The following ZNF800 variants were observed in gnomAD, a reference collection of about 807,000 sequenced individuals.
The protein encoded by ZNF800 is zinc finger protein 800.
In ZNF800, 13 loss-of-function variants were observed where a neutral mutation model predicts 59.5. That is an observed-to-expected ratio of 0.22 (90% CI 0.14 to 0.35). ZNF800 has a LOEUF of 0.35. Ranked by LOEUF, ZNF800 falls within the 10% of genes least tolerant of loss-of-function variation. ZNF800 has a pLI of 1.00. For missense variants in ZNF800, 621 were observed against 783.7 expected (o/e 0.79, Z 2.48); for synonymous variants, 266 against 265.7 (o/e 1.00, Z -0.01).
chr7:127,381,761 A>G (rs1587449352), intron 3 of ZNF800, among the ~76,000 whole-genome samples: 1 of 152,084 alleles, frequency 6.6e-6, no homozygotes, highest in African/African-American at 2.4e-5. Context: ...TAAATTTCCT[A>G]TAACTGCTAT....
intron 3 of ZNF800, among the ~76,000 whole-genome samples, chr7:127,379,852 A>ACCC (rs1562907479): frequency 0.095 from 1,523 of 16,098 alleles, 159 homozygotes; most frequent in Admixed American, 0.15. Flanking sequence ...CCACCCCCCC[A>ACCC]CCCCCCCCAC....
At chr7:127,361,339 A>C (rs1019400145) in intron 1 of ZNF800, 2 of 152,162 alleles carry the variant, frequency 1.3e-5, no homozygotes, top group Non-Finnish European at 2.9e-5. Context: ...TCGCTTTGTG[A>C]AGCCAAGTCA....
intron 1 of ZNF800, 37 bp downstream of exon 1, chr7:127,392,023 G>A (rs1045804605): frequency 3.1e-5 from 12 of 387,542 alleles, no homozygotes; most frequent in African/African-American, 2.3e-4. Context: ...CTCCCTGGCG[G>A]AGACCCCGTC....
intron 5 of ZNF800, 88 bp from the exon 6 acceptor site, chr7:127,371,902 A>G: frequency 1.6e-6 from 1 of 629,898 alleles, no homozygotes; most frequent in Non-Finnish European, 2.9e-6. Flanking sequence ...TTACTTCTAA[A>G]AGATGGTTTC....
chr7:127,362,311 G>C (rs970655053), intron 1 of ZNF800: 3 of 152,130 alleles, frequency 2.0e-5, no homozygotes, highest in Non-Finnish European at 4.4e-5. Flanking sequence ...CCCATCTTCT[G>C]ATTAGAAAGG....
intron 2 of ZNF800, among the ~76,000 whole-genome samples, chr7:127,387,917 AACACAC>A (rs141731563): frequency 0.13 from 18,727 of 147,754 alleles, 1,232 homozygotes; most frequent in Middle Eastern, 0.26. Flanking sequence ...ATTAATTAAG[AACACAC>A]ACACACACAC....
Position 127,374,343 on chromosome 7 carries a change from G to T in ZNF800, c.993C>A (p.Phe331Leu). The part of the protein sequence containing the change: ...DIATKPGQPL[F>L]LDSISPKKSF... ...ATTTTTTAGGAGAAATAGAATCCAG[G>T]AACAAAGGTTGCCCAGGCTTTGTTG... The change falls in exon 5 of 6, where the codon TTC becomes TTA. Residue 331 changes from phenylalanine to leucine, a missense_variant. Phe to Leu is a conservative substitution (Grantham distance 22). This residue lies in a region of ZNF800 where 185 missense variants were observed against 177.6 expected (regional missense o/e 1.04). Coordinates refer to ENST00000265827, the MANE Select transcript of ZNF800 (RefSeq NM_176814.5). 2 of 1,613,712 alleles carry T rather than the reference G, an allele frequency of 1.2e-6. No individual in the cohort carries two copies. Among genetic ancestry groups the T allele is most frequent in the South Asian group, 1.1e-5 (1 of 91,048 alleles).
chr7:127,377,319 T>C lies in ZNF800; in HGVS notation c.168A>G (p.Gln56=). 4 of 1,603,490 alleles carry C rather than the reference T, an allele frequency of 2.5e-6. No individual in the cohort carries two copies. Among genetic ancestry groups the C allele is most frequent in the Non-Finnish European group, 3.4e-6 (4 of 1,174,540 alleles). The change falls in exon 4 of 6, where the codon CAA becomes CAG. Residue 56 remains glutamine, a synonymous_variant. Coordinates refer to ENST00000265827, the MANE Select transcript of ZNF800 (RefSeq NM_176814.5). This position sits in a 1 kb window ranked among gnomAD's most constrained non-coding sequence, Gnocchi z 4.7. ...IIECFRSGTK[Q]LKHILLKDVD... ...CATCTTTTAATAAAATATGCTTAAG[T>C]TGTTTAGTTCCTGAGAGAAAAAAGA...
rs1800616345 is a variant in ZNF800 at position 127,370,878 on chromosome 7, G to A, written c.*936C>T. 6.6e-6 allele frequency: 1 copy of A among 151,860 alleles called. No homozygotes were observed. The highest frequency in any genetic ancestry group is 2.1e-4 in the South Asian group (1 of 4,810). The allele number at this position is 151,860 out of a possible 1,614,324, so 9.4% of individuals were successfully genotyped here. On this transcript the variant is annotated 3_prime_UTR_variant, in exon 6 of 6. Coordinates refer to ENST00000265827, the MANE Select transcript of ZNF800 (RefSeq NM_176814.5). The stretch of plus-strand genomic sequence containing the variant: ...AGTGGTCCTTTAAGATTTTTCTTGG[G>A]AGAAAAAAAAATCAGGGCTTACACC...
At chr7:127,345,133 C>A (rs1800034166), downstream of ZNF800, among the ~76,000 whole-genome samples, 2 of 152,226 alleles carry the variant, frequency 1.3e-5, no homozygotes, top group Non-Finnish European at 1.5e-5. Flanking sequence ...AGTGAACCCT[C>A]AACAGAAAAA....
intron 1 of ZNF800, chr7:127,351,646 T>G (rs1800170636): frequency 6.6e-6 from 1 of 152,256 alleles, no homozygotes; most frequent in African/African-American, 2.4e-5. Context: ...TTTTGATTTG[T>G]CAGTTGTGTA....
At chr7:127,359,825 T>C (rs1337731261) in intron 1 of ZNF800, 2 of 151,394 alleles carry the variant, frequency 1.3e-5, no homozygotes, top group Non-Finnish European at 2.9e-5. Context: ...GAAGACAATA[T>C]CCAAACCAAA....
chr7:127,392,469 T>G lies in ZNF800; in HGVS notation c.-468A>C. 5.5e-6 allele frequency: 2 copies of G among 362,056 alleles called. No homozygotes were observed. The highest frequency in any genetic ancestry group is 4.9e-6 in the Non-Finnish European group (1 of 202,970). 22.4% of individuals were successfully genotyped at this position (362,056 alleles called of 1,614,324 possible). On this transcript the variant is annotated 5_prime_UTR_variant, in exon 1 of 6. Transcript: ENST00000265827. ...GCAACGGCTGCCGCCGCAACCCGGG[T>G]CCCACCAGCGCCGCTCCACCTGCAA...
intron 3 of ZNF800, among the ~76,000 whole-genome samples, 181 bp downstream of exon 3, chr7:127,385,876 GAAT>G (rs1326319638): frequency 6.6e-6 from 1 of 151,894 alleles, no homozygotes; most frequent in Non-Finnish European, 1.5e-5. Flanking sequence ...TAGTACTGAA[GAAT>G]AATCTCTAGA....
chr7:127,375,779 A>G (rs1800774748), intron 4 of ZNF800, among the ~76,000 whole-genome samples: 1 of 151,990 alleles, frequency 6.6e-6, no homozygotes, highest in Non-Finnish European at 1.5e-5. Flanking sequence ...TTAGGTTTCC[A>G]TGTATTACTA....
intron 5 of ZNF800, chr7:127,372,699 C>G (rs921046093): frequency 1.0e-6 from 1 of 985,164 alleles, no homozygotes. Flanking sequence ...AACACACACT[C>G]CCAAGGAGAA....
chr7:127,345,345 T>C (rs958557580), downstream of ZNF800, among the ~76,000 whole-genome samples: 2 of 151,112 alleles, frequency 1.3e-5, no homozygotes, highest in African/African-American at 2.4e-5. Context: ...CAAGTTGAGA[T>C]ACAGGATTAG....
intron 1 of ZNF800, chr7:127,360,665 GA>G (rs1800376478): frequency 6.6e-6 from 1 of 151,782 alleles, no homozygotes; most frequent in African/African-American, 2.4e-5. Flanking sequence ...ATCCAAGATG[GA>G]AACTTTATTT....
At chr7:127,386,218 T>C in intron 2 of ZNF800, 63 bp from the exon 3 acceptor site, 1 of 1,000,812 alleles carries the variant, frequency 1.0e-6, no homozygotes, top group Non-Finnish European at 1.5e-6. Flanking sequence ...AATCATTTAC[T>C]ATTAAAGTAA....
Sources: gnomAD v4.1 joint callset for allele counts (sites outside exome capture counted in the v4.1 genomes callset) on GRCh38, gnomAD v4.1.1 for gene constraint, gnomAD v4.1.1 regional missense constraint, Gnocchi (gnomAD v3.1) non-coding constraint, MANE v1.5 for transcripts, NCBI Gene and HGNC (gene_info 2026-07-23, HGNC 2026-07-21) for gene names.